Variants in PRKCB observed in about 807,000 individuals in gnomAD.
The protein encoded by PRKCB is protein kinase C beta.
In PRKCB, 13 loss-of-function variants were observed where a neutral mutation model predicts 81.5. The ratio of observed to expected loss-of-function variants is 0.16; its 90% CI spans 0.10 to 0.25. The LOEUF (loss-of-function observed/expected upper bound fraction) is 0.25, where lower values mean the gene tolerates loss of function less well. PRKCB is among the 10% of genes least tolerant of loss of function. PRKCB has a pLI of 1.00. For synonymous variants in PRKCB, 335 were observed against 321.4 expected, an observed-to-expected ratio of 1.04 and a Z score of -0.45; for missense variants, 509 against 875.7, an observed-to-expected ratio of 0.58 and a Z score of 5.29.
At chr16:24,117,302 T>TA (rs1379424781) in intron 8 of PRKCB, among the ~76,000 whole-genome samples, 2 of 152,184 alleles carry the variant, frequency 1.3e-5, no homozygotes, top group African/African-American at 4.8e-5. Context: ...TTGGCGCAGT[T>TA]ACCACACGTG....
chr16:24,197,763 G>T (rs1967900826), intron 16 of PRKCB, among the ~76,000 whole-genome samples: 1 of 152,128 alleles, frequency 6.6e-6, no homozygotes, highest in African/African-American at 2.4e-5. Flanking sequence ...GTCCTCCCCA[G>T]TTCCTGGCAT....
intron 2 of PRKCB, among the ~76,000 whole-genome samples, chr16:23,937,614 A>C (rs561249143): frequency 2.0e-5 from 3 of 152,286 alleles, no homozygotes; most frequent in African/African-American, 7.2e-5. Context: ...ACTGGATTGG[A>C]TCTACCCTTC....
intron 3 of PRKCB, among the ~76,000 whole-genome samples, chr16:24,011,734 CT>C (rs1409884994): frequency 2.0e-5 from 3 of 152,154 alleles, no homozygotes; most frequent in African/African-American, 7.2e-5. Context: ...CCGGATGGGT[CT>C]TAGCCTCCCA....
Position 23,999,123 on chromosome 16 carries a change from G to A in PRKCB, c.288+10533G>A, listed in dbSNP as rs138209861. Among the ~76,000 whole-genome samples, 187 of 152,320 alleles carry A rather than the reference G, an allele frequency of 1.2e-3. No individual in the cohort carries two copies. The East Asian group carries it at 0.028, about 23-fold the overall frequency. ...GCTCATGGTTGGAGGCATGATTAAA[G>A]ACCTAGCCACACCTGCTTGCCCACC... is the stretch of plus-strand genomic sequence containing the variant. On this transcript the variant is annotated intron_variant, in intron 3 of 16. Transcript: ENST00000643927.
chr16:23,973,611 A>G (rs770634466), intron 2 of PRKCB, among the ~76,000 whole-genome samples: 37 of 152,356 alleles, frequency 2.4e-4, no homozygotes, highest in South Asian at 1.4e-3. Flanking sequence ...ATGGGAACAT[A>G]CAGTGAGCAT....
chr16:23,906,580 G>T (rs898203577), intron 2 of PRKCB, among the ~76,000 whole-genome samples: 130 of 152,114 alleles, frequency 8.5e-4, no homozygotes, highest in African/African-American at 3.0e-3. Context: ...GCTTAGAAAG[G>T]CCTCTTACTC....
At chr16:24,168,715 TA>T (rs1193835515) in intron 10 of PRKCB, among the ~76,000 whole-genome samples, 14,352 of 118,044 alleles carry the variant, frequency 0.12, 1,530 homozygotes, top group South Asian at 0.24. Context: ...CATGCCTGGC[TA>T]TTTTTTTTTT....
chr16:23,967,674 A>G (rs1227213607), intron 2 of PRKCB, among the ~76,000 whole-genome samples: 1 of 149,362 alleles, frequency 6.7e-6, no homozygotes, highest in African/African-American at 2.5e-5. Context: ...TTTTTTTGAG[A>G]TAGAGTCTCA....
intron 9 of PRKCB, among the ~76,000 whole-genome samples, chr16:24,132,220 T>A (rs1966854334): frequency 1.3e-5 from 2 of 152,164 alleles, no homozygotes; most frequent in African/African-American, 4.8e-5. Flanking sequence ...TTATCAGCAG[T>A]CTTGTAACTC....
At chr16:24,192,457 T>C (rs1315936891) in intron 16 of PRKCB, among the ~76,000 whole-genome samples, 1 of 152,104 alleles carries the variant, frequency 6.6e-6, no homozygotes, top group African/African-American at 2.4e-5. Flanking sequence ...TGGAAAAAGA[T>C]GAAAAGGTAA....
At chr16:24,016,193 C>G (rs1965275235) in intron 3 of PRKCB, among the ~76,000 whole-genome samples, 1 of 152,074 alleles carries the variant, frequency 6.6e-6, no homozygotes, top group African/African-American at 2.4e-5. Context: ...AGAGCTGGCC[C>G]AAGGTCACCA....
intron 9 of PRKCB, among the ~76,000 whole-genome samples, chr16:24,154,451 C>T (rs1031638203): frequency 6.6e-5 from 10 of 152,200 alleles, no homozygotes; most frequent in Non-Finnish European, 1.2e-4. Flanking sequence ...TTACTACCCT[C>T]TAGGCTGCAG....
At chr16:24,012,053 T>C (rs1490413818) in intron 3 of PRKCB, among the ~76,000 whole-genome samples, 2 of 152,168 alleles carry the variant, frequency 1.3e-5, no homozygotes, top group African/African-American at 4.8e-5. Context: ...CTGTCTTTGA[T>C]CCTTTTCACT....
rs1295180472 is a variant in PRKCB, at chr16:23,873,187, CACAA to C, written c.205+35783_205+35786del. Among the ~76,000 whole-genome samples, 555 of 76,912 alleles carry C rather than the reference CACAA, an allele frequency of 7.2e-3. 3 individuals carry two copies. Among genetic ancestry groups the C allele is most frequent in the South Asian group, 0.039 (84 of 2,148 alleles). 50.5% of individuals were successfully genotyped at this position (76,912 alleles called of 152,430 possible). On this transcript the variant is annotated intron_variant, in intron 2 of 16. Coordinates refer to ENST00000643927, the MANE Select transcript of PRKCB (RefSeq NM_002738.7). ...TACTAAAAACACACACACACACACACACAAAAAAAAAAAAAAAAAAAAGAAAAAA... is the reference window on the plus strand; with the variant it reads ...TACTAAAAACACACACACACACACACAAAAAAAAAAAAAAAAAAGAAAAAA...
chr16:24,205,144 C>CT (rs1968024578), intron 16 of PRKCB, among the ~76,000 whole-genome samples: 10 of 141,332 alleles, frequency 7.1e-5, no homozygotes, highest in African/African-American at 1.8e-4. Flanking sequence ...TATTATAATT[C>CT]CTTTTTTTTT....
At chr16:24,168,216 A>T (rs893697324) in intron 10 of PRKCB, among the ~76,000 whole-genome samples, 1 of 152,216 alleles carries the variant, frequency 6.6e-6, no homozygotes, top group Non-Finnish European at 1.5e-5. Context: ...TCCCATCTAC[A>T]GGTGAAGAGA....
chr16:23,963,292 G>A (rs192193029), intron 2 of PRKCB: 1 of 152,324 alleles, frequency 6.6e-6, no homozygotes, highest in African/African-American at 2.4e-5. Flanking sequence ...AGTAAGTGGT[G>A]ATCACGGTTA....
intron 2 of PRKCB, among the ~76,000 whole-genome samples, chr16:23,868,683 T>A (rs1282189593): frequency 6.6e-6 from 1 of 152,194 alleles, no homozygotes; most frequent in Non-Finnish European, 1.5e-5. Context: ...TCCCCTCCAT[T>A]TTCTCTTTAG....
intron 2 of PRKCB, among the ~76,000 whole-genome samples, chr16:23,870,853 C>T (rs1299081841): frequency 1.3e-5 from 2 of 152,198 alleles, no homozygotes; most frequent in Non-Finnish European, 2.9e-5. Flanking sequence ...CTGTTGATCT[C>T]GGCTGGGCTT....
Sources: gnomAD v4.1 joint callset for allele counts (sites outside exome capture counted in the v4.1 genomes callset) on GRCh38, gnomAD v4.1.1 for gene constraint, MANE v1.5 for transcripts, NCBI Gene and HGNC (gene_info 2026-07-23, HGNC 2026-07-21) for gene names.